Variants in CCDC88C observed in about 807,000 individuals in gnomAD.
CCDC88C encodes coiled-coil and HOOK domain protein 88C.
Under a neutral mutation model 198.8 loss-of-function variants are expected in CCDC88C, and 131 were observed. The observed-to-expected ratio is 0.66, with a 90% CI of 0.57 to 0.76. CCDC88C has a LOEUF of 0.76. CCDC88C is among the 30% of genes least tolerant of loss of function. CCDC88C has a pLI of 0.00. For synonymous variants in CCDC88C, 1,166 were observed against 1,114.7 expected, an observed-to-expected ratio of 1.05 and a Z score of -0.92; for missense variants, 2,553 against 2,631.6, an observed-to-expected ratio of 0.97 and a Z score of 0.65.
rs1885763943 is a variant in CCDC88C at position 91,395,086 on chromosome 14, T to C, written c.270+13573A>G. Reference sequence around the variant, plus strand: ...TTCAAATAAGAAAGACTCTCAGAGATGAAGTAACTTACCCAAGGCCACAAA... The same window carrying C: ...TTCAAATAAGAAAGACTCTCAGAGACGAAGTAACTTACCCAAGGCCACAAA... On this transcript the variant is annotated intron_variant, in intron 3 of 29. Transcript: ENST00000389857. Among the ~76,000 whole-genome samples the C allele has an allele frequency of 3.9e-5, 6 of 152,186 alleles. 1 individual carries two copies. The South Asian group carries it at 1.2e-3, about 31-fold the overall frequency.
chr14:91,302,093 G>A (rs1422528462), intron 20 of CCDC88C, among the ~76,000 whole-genome samples: 1 of 152,156 alleles, frequency 6.6e-6, no homozygotes, highest in Non-Finnish European at 1.5e-5. Flanking sequence ...AGACAAAAAG[G>A]AAGCACTTGG....
chr14:91,384,358 T>G (rs1196993793), intron 3 of CCDC88C: 1 of 368,810 alleles, frequency 2.7e-6, no homozygotes, highest in African/African-American at 2.2e-5. Context: ...AACTTGAAAA[T>G]AGGCTTGTCA....
chr14:91,295,001 T>C (rs1249977887), intron 22 of CCDC88C, among the ~76,000 whole-genome samples: 2 of 152,094 alleles, frequency 1.3e-5, no homozygotes, highest in Admixed American at 1.3e-4. Flanking sequence ...TGGGGTGCAA[T>C]GGGAAAATCA....
At chr14:91,307,297 T>C in intron 17 of CCDC88C, 71 bp from the exon 18 acceptor site, 9 of 1,404,824 alleles carry the variant, frequency 6.4e-6, no homozygotes, top group Admixed American at 3.4e-5. Flanking sequence ...AGTGAGTGGC[T>C]GAGGGCAACC....
Position 91,313,323 on chromosome 14 carries a change from C to T in CCDC88C, c.2493G>A (p.Glu831=). 1 of 1,613,584 alleles carries T rather than the reference C, an allele frequency of 6.2e-7. No homozygotes were observed. The highest frequency in any genetic ancestry group is 8.5e-7 in the Non-Finnish European group (1 of 1,179,888). The change falls in exon 15 of 30, where the codon GAG becomes GAA. Residue 831 remains glutamate (E), a synonymous_variant. Transcript: ENST00000389857. This position sits in a 1 kb window ranked among gnomAD's most constrained non-coding sequence, Gnocchi z 5.2. The part of the protein sequence containing the change: ...KALEQEVAQL[E]KDKKLLEKEA... ...CCTTCTCCAGCAGCTTCTTATCCTT[C>T]TCGAGCTGGGCCACCTCCTGCTCCA...
intron 3 of CCDC88C, among the ~76,000 whole-genome samples, chr14:91,394,559 T>C (rs888510610): frequency 7.2e-5 from 11 of 152,232 alleles, no homozygotes; most frequent in African/African-American, 2.7e-4. Context: ...CTCTGAATTA[T>C]TTACTCCACT....
chr14:91,306,204 T>C (rs1333360781), intron 18 of CCDC88C, among the ~76,000 whole-genome samples: 2 of 152,196 alleles, frequency 1.3e-5, no homozygotes, highest in Non-Finnish European at 2.9e-5. Flanking sequence ...GTCTCTTTAA[T>C]GCTTTCCTTT....
At chr14:91,361,389 C>T (rs1447470633) in intron 3 of CCDC88C, among the ~76,000 whole-genome samples, 3 of 152,166 alleles carry the variant, frequency 2.0e-5, no homozygotes, top group Admixed American at 2.0e-4. Context: ...GGCCCGAGTG[C>T]GTATCTCAGA....
Position 91,273,606 on chromosome 14 carries a change from C to T in CCDC88C, c.5106G>A (p.Lys1702=), listed in dbSNP as rs1488299383. The T allele has an allele frequency of 4.0e-6, 6 of 1,492,708 alleles. No homozygotes were observed. In the Admixed American group the frequency reaches 9.5e-5, roughly 24 times the overall value. 92.5% of individuals were successfully genotyped at this position (1,492,708 alleles called of 1,614,324 possible). ...RDDLLSDYFR[K]ASDPPAIGGQ... ...CTCCGATGGCTGGGGGATCGCTGGC[C>T]TTTCGGAAGTAGTCACTCAGCAGGT... Residue 1702 remains lysine (K), a synonymous_variant, in exon 30 of 30, where the codon AAG becomes AAA. Coordinates refer to ENST00000389857, the MANE Select transcript of CCDC88C (RefSeq NM_001080414.4). This position sits in a 1 kb window ranked among gnomAD's most constrained non-coding sequence, Gnocchi z 5.6.
chr14:91,371,473 G>A lies in CCDC88C; in HGVS notation c.271-11762C>T, dbSNP rs994571046. Among the ~76,000 whole-genome samples, 18 of 152,006 alleles carry A rather than the reference G, an allele frequency of 1.2e-4. No homozygotes were observed. The highest frequency in any genetic ancestry group is 3.1e-4 in the African/African-American group (13 of 41,370). On this transcript the variant is annotated intron_variant, in intron 3 of 29. Transcript: ENST00000389857. The surrounding 1 kb of genome is among the most constrained non-coding windows in gnomAD (Gnocchi z 4.2). ...CCAGGCCCAGCCAACCTCACCCGCC[G>A]GTGGCAGGAGTACAGAGGCCGGCGG... is the stretch of plus-strand genomic sequence containing the variant.
At chr14:91,285,828 G>A (rs773758968) in intron 25 of CCDC88C, 136 of 1,287,224 alleles carry the variant, frequency 1.1e-4, no homozygotes, top group African/African-American at 4.0e-4. Flanking sequence ...CTCTTTTTGC[G>A]CGGAGGTGCT....
chr14:91,371,209 G>T lies in CCDC88C; in HGVS notation c.271-11498C>A, dbSNP rs1303600214. Among the ~76,000 whole-genome samples the T allele has an allele frequency of 6.6e-6, 1 of 152,058 alleles. No homozygotes were observed. The highest frequency in any genetic ancestry group is 2.4e-5 in the African/African-American group (1 of 41,380). ...GGGCCCTGATTTTATGGCCGTGAGG[G>T]ATCGTATGACTGTGACTTCATGGTG... On this transcript the variant is annotated intron_variant, in intron 3 of 29. Transcript: ENST00000389857. This position sits in a 1 kb window ranked among gnomAD's most constrained non-coding sequence, Gnocchi z 4.2.
At chr14:91,397,284 A>G (rs1397278795) in intron 3 of CCDC88C, among the ~76,000 whole-genome samples, 1 of 152,186 alleles carries the variant, frequency 6.6e-6, no homozygotes, top group East Asian at 1.9e-4. Flanking sequence ...GGCATCCCCA[A>G]CACCAGGAGT....
At chr14:91,292,444 G>A (rs965363913) in intron 23 of CCDC88C, among the ~76,000 whole-genome samples, 9 of 152,282 alleles carry the variant, frequency 5.9e-5, no homozygotes, top group African/African-American at 1.9e-4. Context: ...TTTTATCACC[G>A]GGATTATAGA....
intron 12 of CCDC88C, among the ~76,000 whole-genome samples, chr14:91,324,246 G>A (rs1304122331): frequency 6.6e-6 from 1 of 152,270 alleles, no homozygotes; most frequent in Non-Finnish European, 1.5e-5. Context: ...AGCCCAGGAG[G>A]GAAGAGGGAA....
chr14:91,299,802 C>G (rs868205533), intron 21 of CCDC88C, 125 bp downstream of exon 21: 1 of 1,276,714 alleles, frequency 7.8e-7, no homozygotes, highest in African/African-American at 1.5e-5. Context: ...CCCAGCTGTT[C>G]ACACAGCAAG....
In CCDC88C at chr14:91,339,256, G is replaced by A. The variant is rs1314728785; in HGVS notation, c.809+22C>T. ...CATGTCTGCAACACACACAAAGGTA[G>A]GAGAAGCAGCCGGGGACTCACAGCT... is the stretch of plus-strand genomic sequence containing the variant. On this transcript the variant is annotated intron_variant, in intron 8 of 29. Coordinates refer to ENST00000389857, the MANE Select transcript of CCDC88C (RefSeq NM_001080414.4). The surrounding 1 kb of genome is among the most constrained non-coding windows in gnomAD (Gnocchi z 5.8). 4 of 1,611,340 alleles carry A rather than the reference G, an allele frequency of 2.5e-6. No homozygotes were observed. In the East Asian group the frequency reaches 8.9e-5, roughly 36 times the overall value.
At position 91,379,707 on chromosome 14, in the gene CCDC88C, G is replaced by A. The variant is rs538041093; in HGVS notation, c.271-19996C>T. 1.3e-5 allele frequency: 8 copies of A among 632,416 alleles called. No homozygotes were observed. The Admixed American group carries it at 1.8e-4, about 14-fold the overall frequency. The allele number at this position is 632,416 out of a possible 1,614,324, so 39.2% of individuals were successfully genotyped here. A position where few individuals can be genotyped will look rare whatever the true frequency, so the allele number is the denominator to read the frequency against. On this transcript the variant is annotated intron_variant, in intron 3 of 29. Transcript: ENST00000389857. ...TTGCTGGCTGTCAGTGCCACTCCCA[G>A]AAGAGCCCACAGTGATGGCCTTCCA...
Position 91,321,146 on chromosome 14 carries a change from T to C in CCDC88C, c.1501A>G (p.Lys501Glu). 1 of 1,611,814 alleles carries C rather than the reference T, an allele frequency of 6.2e-7. No homozygotes were observed. The highest frequency in any genetic ancestry group is 8.5e-7 in the Non-Finnish European group (1 of 1,178,980). Reference protein sequence around the residue: ...ESGLKCGELEKENHQLSKKIE... With the variant: ...ESGLKCGELEEENHQLSKKIE... ...TTCTTGCTGAGCTGGTGGTTCTCCT[T>C]CTCCAGCTCCCCGCACTTGAGGCCG... is the stretch of plus-strand genomic sequence containing the variant. Residue 501 changes from lysine to glutamate, a missense_variant, in exon 13 of 30, where the codon AAG becomes GAG. Physicochemically the swap from Lys to Glu is moderately conservative, Grantham distance 56. Coordinates refer to ENST00000389857, the MANE Select transcript of CCDC88C (RefSeq NM_001080414.4).
Sources: allele counts gnomAD v4.1 joint callset (sites outside exome capture counted in the v4.1 genomes callset), GRCh38; gene constraint gnomAD v4.1.1; non-coding constraint Gnocchi (gnomAD v3.1); transcripts MANE v1.5; gene names NCBI Gene and HGNC (gene_info 2026-07-23, HGNC 2026-07-21).